The following C6orf62 variants were observed in gnomAD, a reference collection of about 807,000 sequenced individuals.
C6orf62 encodes the protein uncharacterized protein C6orf62.
Under a neutral mutation model 26.8 loss-of-function variants are expected in C6orf62, and 16 were observed. The observed-to-expected ratio is 0.60, with a 90% confidence interval of 0.40 to 0.91. C6orf62 has a LOEUF of 0.91. Among genes scored for constraint, C6orf62 ranks in the 40% least tolerant of loss-of-function variants. C6orf62 has a pLI of 0.00. For missense variants in C6orf62, 192 were observed against 271.4 expected (o/e 0.71, Z 2.06); for synonymous variants, 112 against 91.5 (o/e 1.22, Z -1.28).
Position 24,714,453 on chromosome 6 carries a change from T to TG in C6orf62, c.307-14_307-13insC. ...AGCCAATTACATCCTATAAAATGAT[T>TG]AAAAAAAAAAAAGTTTACTTTTAAA... On this transcript the variant is annotated splice_polypyrimidine_tract_variant and intron_variant, in intron 2 of 4. Transcript: ENST00000378119. 7.3e-7 allele frequency: 1 copy of TG among 1,360,724 alleles called. No individual in the cohort carries two copies. Among genetic ancestry groups the TG allele is most frequent in the Non-Finnish European group, 9.9e-7 (1 of 1,013,150 alleles). 84.3% of individuals were successfully genotyped at this position (1,360,724 alleles called of 1,614,324 possible).
upstream of C6orf62, chr6:24,719,218 G>A: frequency 1.0e-6 from 1 of 986,728 alleles, no homozygotes; most frequent in Non-Finnish European, 1.2e-6. Context: ...AAACAGGGTA[G>A]GTGAATGAAA....
At chr6:24,715,774 C>T (rs1467145278) in intron 2 of C6orf62, among the ~76,000 whole-genome samples, 13 of 142,332 alleles carry the variant, frequency 9.1e-5, no homozygotes, top group African/African-American at 3.5e-4. Flanking sequence ...TTTGAATGCG[C>T]GAGGGCAGAG....
intron 4 of C6orf62, among the ~76,000 whole-genome samples, chr6:24,707,851 A>C (rs534699186): frequency 6.6e-6 from 1 of 151,962 alleles, no homozygotes; most frequent in South Asian, 2.1e-4. Flanking sequence ...AAATACAAAA[A>C]AAAAAAAAAA....
chr6:24,719,944 G>A (rs1278574443), upstream of C6orf62: 3 of 1,550,408 alleles, frequency 1.9e-6, no homozygotes, highest in East Asian at 2.4e-5. Flanking sequence ...GTGGGCGGGA[G>A]AGGGTAAATG....
chr6:24,720,397 C>A (rs988472688), upstream of C6orf62: 6 of 1,162,030 alleles, frequency 5.2e-6, no homozygotes, highest in Admixed American at 1.9e-4. Context: ...GTGACTGGAC[C>A]GCCCGCGCTG....
chr6:24,718,302 T>C (rs1779275188), intron 1 of C6orf62, among the ~76,000 whole-genome samples: 1 of 152,210 alleles, frequency 6.6e-6, no homozygotes, highest in Admixed American at 6.5e-5. Context: ...CAGTGTATAC[T>C]ACTACTAAGC....
At chr6:24,714,628 T>C (rs1374142970) in intron 2 of C6orf62, among the ~76,000 whole-genome samples, 188 bp from the exon 3 acceptor site, 4 of 152,176 alleles carry the variant, frequency 2.6e-5, no homozygotes, top group Non-Finnish European at 4.4e-5. Flanking sequence ...TAATTTTTTA[T>C]TTTTGGAGAC....
Position 24,719,099 on chromosome 6 carries a change from C to T in C6orf62, c.-431G>A. 1.0e-6 allele frequency: 1 copy of T among 990,316 alleles called. No individual in the cohort carries two copies. The highest frequency in any genetic ancestry group is 1.2e-6 in the Non-Finnish European group (1 of 833,230). The allele number at this position is 990,316 out of a possible 1,614,324, so 61.3% of individuals were successfully genotyped here. On this transcript the variant is annotated 5_prime_UTR_variant, in exon 1 of 5. Transcript: ENST00000378119. ...CCCTAAAATCCATCCGGATTTTCCC[C>T]CCTTTTTAGAAAAGGGATTAAGGAA... is the stretch of plus-strand genomic sequence containing the variant.
intron 2 of C6orf62, among the ~76,000 whole-genome samples, chr6:24,714,719 G>A (rs1581398328): frequency 6.6e-6 from 1 of 152,134 alleles, no homozygotes; most frequent in South Asian, 2.1e-4. Flanking sequence ...AGGTTCAAGC[G>A]ATTCTCGTGA....
chr6:24,707,558 T>G (rs575403729), intron 4 of C6orf62, among the ~76,000 whole-genome samples: 124 of 152,126 alleles, frequency 8.2e-4, no homozygotes, highest in Non-Finnish European at 1.1e-3. Context: ...GTCGTCTCAC[T>G]CTGTTGCCCA....
chr6:24,711,241 CACACACACACACACAA>C (rs1331981252), intron 3 of C6orf62, among the ~76,000 whole-genome samples: 4 of 150,360 alleles, frequency 2.7e-5, no homozygotes, highest in East Asian at 3.9e-4. Flanking sequence ...AGAAATGGTA[CACACACACACACACAA>C]ACACACACAC....
intron 1 of C6orf62, among the ~76,000 whole-genome samples, chr6:24,717,881 T>C (rs1779265065): frequency 6.6e-6 from 1 of 152,180 alleles, no homozygotes; most frequent in African/African-American, 2.4e-5. Context: ...TACTCACAAC[T>C]TACTGTTTGC....
chr6:24,718,787 A>T lies in C6orf62; in HGVS notation c.-119T>A, dbSNP rs1581401298. The T allele has an allele frequency of 6.4e-7, 1 of 1,556,290 alleles. No homozygotes were observed. Among genetic ancestry groups the T allele is most frequent in the East Asian group, 2.3e-5 (1 of 44,270 alleles). On this transcript the variant is annotated 5_prime_UTR_variant, in exon 1 of 5. Transcript: ENST00000378119. ...TTTTTTCCTGCTAATATGATTGATT[A>T]GCGAAAATCACGACTATAACCCAAA...
chr6:24,712,600 C>T lies in C6orf62; in HGVS notation c.429+1718G>A, dbSNP rs190215538. Among the ~76,000 whole-genome samples, 26 of 141,194 alleles carry T rather than the reference C, an allele frequency of 1.8e-4. No homozygotes were observed. The Admixed American group carries it at 1.9e-3, about 10-fold the overall frequency. 92.6% of individuals were successfully genotyped at this position (141,194 alleles called of 152,430 possible). A position where few individuals can be genotyped will look rare whatever the true frequency, so the allele number is the denominator to read the frequency against. ...AGGAGAATCATTTGAACCAGGGAGGCGGAGGCAGAGGTTGCAAGGAGGAGG... is the reference window on the plus strand; with the variant it reads ...AGGAGAATCATTTGAACCAGGGAGGTGGAGGCAGAGGTTGCAAGGAGGAGG... On this transcript the variant is annotated intron_variant, in intron 3 of 4. Coordinates refer to ENST00000378119, the MANE Select transcript of C6orf62 (RefSeq NM_030939.5).
chr6:24,720,202 C>G, upstream of C6orf62: 11 of 1,358,706 alleles, frequency 8.1e-6, no homozygotes, highest in Non-Finnish European at 1.0e-5. Flanking sequence ...CCCCGCGGAG[C>G]CCGGGACTCA....
chr6:24,714,183 ATATTC>A lies in C6orf62; in HGVS notation c.429+130_429+134del, dbSNP rs554872333. Reference sequence around the variant, plus strand: ...AAACGCTTTCTTCTCTTGCATCACAATATTCTAAATAGGGGAGACTCGTGAAATAA... The same window carrying A: ...AAACGCTTTCTTCTCTTGCATCACAATAAATAGGGGAGACTCGTGAAATAA... On this transcript the variant is annotated intron_variant, in intron 3 of 4. Coordinates refer to ENST00000378119, the MANE Select transcript of C6orf62 (RefSeq NM_030939.5). 2.6e-4 allele frequency: 165 copies of A among 626,466 alleles called. 2 individuals carry two copies. The East Asian group carries it at 4.8e-3, about 18-fold the overall frequency. The allele number at this position is 626,466 out of a possible 1,614,324, so 38.8% of individuals were successfully genotyped here.
upstream of C6orf62, chr6:24,719,599 C>G: frequency 7.1e-7 from 1 of 1,399,470 alleles, no homozygotes. Context: ...TTAATTATTC[C>G]GGCTCTGTGG....
upstream of C6orf62, chr6:24,719,660 C>T (rs1779314218): frequency 2.8e-6 from 4 of 1,454,510 alleles, no homozygotes; most frequent in East Asian, 2.5e-5. Context: ...TGCAACTAGT[C>T]CTACATTCCC....
chr6:24,706,442 T>C (rs937724097), intron 4 of C6orf62, among the ~76,000 whole-genome samples, 180 bp from the exon 5 acceptor site: 22 of 152,230 alleles, frequency 1.4e-4, no homozygotes, highest in Non-Finnish European at 2.9e-4. Flanking sequence ...GAAAAATTTA[T>C]GCAGAATTAG....
Sources: gnomAD v4.1 joint callset for allele counts (sites outside exome capture counted in the v4.1 genomes callset) on GRCh38, gnomAD v4.1.1 for gene constraint, MANE v1.5 for transcripts, NCBI Gene and HGNC (gene_info 2026-07-23, HGNC 2026-07-21) for gene names.